The following TMEM33 variants were observed in gnomAD, a reference collection of about 807,000 sequenced individuals.
The protein encoded by TMEM33 is transmembrane protein 33.
Under a neutral mutation model 29.7 loss-of-function variants are expected in TMEM33, and 16 were observed. That is an observed-to-expected ratio of 0.54 (90% CI 0.36 to 0.82). TMEM33 has a LOEUF of 0.82. TMEM33 is among the 40% of genes least tolerant of loss of function. The pLI is 0.00. For synonymous variants in TMEM33, 112 were observed against 109.4 expected (o/e 1.02, Z -0.15); for missense variants, 252 against 295.3 (o/e 0.85, Z 1.08).
rs896970062 is a variant in TMEM33, at chr4:41,958,918, A to G, written c.*4719A>G. The G allele has an allele frequency of 2.6e-5, 4 of 151,472 alleles. No individual in the cohort carries two copies. Among genetic ancestry groups the G allele is most frequent in the African/African-American group, 9.8e-5 (4 of 40,788 alleles). The allele number at this position is 151,472 out of a possible 1,614,324, so 9.4% of individuals were successfully genotyped here. A position where few individuals can be genotyped will look rare whatever the true frequency, so the allele number is the denominator to read the frequency against. On this transcript the variant is annotated 3_prime_UTR_variant, in exon 7 of 7. Transcript: ENST00000504986. ...GAGACAGGATTTCACCATGTTCACC[A>G]TGTTGGTCAGGCTGGTCTTGAACTC...
intron 5 of TMEM33, among the ~76,000 whole-genome samples, chr4:41,946,192 T>TA (rs1345920167): frequency 6.6e-6 from 1 of 151,828 alleles, no homozygotes; most frequent in Non-Finnish European, 1.5e-5. Context: ...TACCTGCTTA[T>TA]ACTTAATGCC....
chr4:41,953,342 G>C (rs554138002), intron 6 of TMEM33, among the ~76,000 whole-genome samples: 88 of 152,340 alleles, frequency 5.8e-4, no homozygotes, highest in African/African-American at 2.0e-3. Context: ...GTTTTCCAGT[G>C]CATACAGAAG....
chr4:41,951,843 G>C (rs1713051854), intron 6 of TMEM33, among the ~76,000 whole-genome samples: 1 of 152,164 alleles, frequency 6.6e-6, no homozygotes, highest in African/African-American at 2.4e-5. Context: ...GAAGTATATA[G>C]AGAATTGATA....
At chr4:41,940,017 G>A (rs1312779204) in intron 3 of TMEM33, among the ~76,000 whole-genome samples, 3 of 143,430 alleles carry the variant, frequency 2.1e-5, no homozygotes, top group African/African-American at 7.9e-5. Context: ...TGGGGAAGAG[G>A]TTCTATAGTG....
At chr4:41,947,040 A>T (rs983201908) in intron 5 of TMEM33, among the ~76,000 whole-genome samples, 2 of 152,150 alleles carry the variant, frequency 1.3e-5, no homozygotes, top group African/African-American at 4.8e-5. Context: ...GATCGAGACC[A>T]TCCTGGCCAA....
chr4:41,940,653 C>CA (rs763162077), intron 3 of TMEM33, among the ~76,000 whole-genome samples: 2 of 151,394 alleles, frequency 1.3e-5, no homozygotes, highest in Admixed American at 6.6e-5. Flanking sequence ...ACTAAAAATA[C>CA]AAAAAATTAG....
intron 3 of TMEM33, among the ~76,000 whole-genome samples, chr4:41,943,230 AG>A (rs1414184470): frequency 2.6e-5 from 4 of 152,170 alleles, no homozygotes; most frequent in African/African-American, 9.7e-5. Flanking sequence ...TGTCATGAAA[AG>A]AACTGTGAAT....
At position 41,949,354 on chromosome 4, in the gene TMEM33, C is replaced by T. The variant is rs772700466; in HGVS notation, c.583C>T (p.Arg195Ter). The T allele has an allele frequency of 1.4e-5, 22 of 1,610,456 alleles. No individual in the cohort carries two copies. Among genetic ancestry groups the T allele is most frequent in the Non-Finnish European group, 6.8e-6 (8 of 1,178,796 alleles). ...PFIYYRFLTL[R>*]YSSRRNPYCR... ...TATATACTATAGATTTCTTACCCTT[C>T]GATATTCGTCTCGAAGAAACCCATA... The change falls in exon 6 of 7, where the codon CGA (arginine) becomes TGA (stop). Residue 195 changes from arginine to a stop codon, truncating the protein, a stop_gained. Coordinates refer to ENST00000504986, the MANE Select transcript of TMEM33 (RefSeq NM_018126.3). LOFTEE classifies it high-confidence loss of function.
chr4:41,954,227 A>T lies in TMEM33; in HGVS notation c.*28A>T. 6.2e-7 allele frequency: 1 copy of T among 1,608,458 alleles called. No homozygotes were observed. Among genetic ancestry groups the T allele is most frequent in the Non-Finnish European group, 8.5e-7 (1 of 1,176,034 alleles). ...TAACATCTAGTTAAGCTACAAATAT[A>T]GTATAAGCATTATTAGCAGCTGGTA... On this transcript the variant is annotated 3_prime_UTR_variant, in exon 7 of 7. Transcript: ENST00000504986.
chr4:41,947,966 A>G (rs754456423), intron 5 of TMEM33, among the ~76,000 whole-genome samples: 7 of 152,334 alleles, frequency 4.6e-5, no homozygotes, highest in Non-Finnish European at 8.8e-5. Context: ...AGTTTGTTAC[A>G]TAATAGTCCA....
chr4:41,949,247 A>C, intron 5 of TMEM33, 55 bp from the exon 6 acceptor site: 1 of 1,231,136 alleles, frequency 8.1e-7, no homozygotes, highest in Non-Finnish European at 1.2e-6. Flanking sequence ...AAGTTTTGAG[A>C]GTATACACAT....
chr4:41,941,706 G>A (rs1207252522), intron 3 of TMEM33, among the ~76,000 whole-genome samples: 1 of 152,190 alleles, frequency 6.6e-6, no homozygotes, highest in Non-Finnish European at 1.5e-5. Flanking sequence ...ACATAAACTA[G>A]TAATTGGCAG....
At chr4:41,937,140 A>C (rs1712281032) in intron 1 of TMEM33, among the ~76,000 whole-genome samples, 1 of 151,826 alleles carries the variant, frequency 6.6e-6, no homozygotes, top group Non-Finnish European at 1.5e-5. Flanking sequence ...TTAAAATTGT[A>C]TAATATACAT....
chr4:41,935,202 A>G (rs559914006), upstream of TMEM33: 64 of 559,164 alleles, frequency 1.1e-4, no homozygotes, highest in Admixed American at 6.4e-5. Context: ...TTCACCCCGA[A>G]GCTCCACCTT....
chr4:41,943,925 C>T, intron 4 of TMEM33, 111 bp downstream of exon 4: 1 of 903,192 alleles, frequency 1.1e-6, no homozygotes, highest in Non-Finnish European at 1.7e-6. Context: ...ACCTTACAAA[C>T]TTGTTATGAA....
chr4:41,935,271 C>G (rs1399629840), upstream of TMEM33: 1 of 628,462 alleles, frequency 1.6e-6, no homozygotes, highest in African/African-American at 1.8e-5. Flanking sequence ...AGGTACCTCC[C>G]GGCTGCTGCG....
intron 2 of TMEM33, among the ~76,000 whole-genome samples, 184 bp from the exon 3 acceptor site, chr4:41,939,012 T>A (rs529540390): frequency 1.3e-5 from 2 of 152,204 alleles, no homozygotes; most frequent in African/African-American, 4.8e-5. Flanking sequence ...ATAAATTGAT[T>A]ATAAGAAATT....
rs905396799 is a variant in TMEM33 at position 41,954,150 on chromosome 4, G to T, written c.695G>T (p.Cys232Phe). 6.2e-7 allele frequency: 1 copy of T among 1,613,930 alleles called. No homozygotes were observed. The change falls in exon 7 of 7, where the codon TGT (cysteine) becomes TTT (phenylalanine). Residue 232 changes from cysteine (C) to phenylalanine (F), a missense_variant. Transcript: ENST00000504986. ...TGCCCACTGTTTGTGAGAAGACTTT[G>T]TCTCCAGAGCATTGCCTTTATAAGC... The part of the protein sequence containing the change: ...PACPLFVRRL[C>F]LQSIAFISRL...
At chr4:41,939,048 G>A (rs1403675188) in intron 2 of TMEM33, 148 bp from the exon 3 acceptor site, 17 of 673,738 alleles carry the variant, frequency 2.5e-5, no homozygotes, top group Non-Finnish European at 9.4e-6. Flanking sequence ...ATGAAGTGAA[G>A]CTATTAAAAC....
Sources: gnomAD v4.1 joint callset for allele counts (sites outside exome capture counted in the v4.1 genomes callset) on GRCh38, gnomAD v4.1.1 for gene constraint, MANE v1.5 for transcripts, NCBI Gene and HGNC (gene_info 2026-07-23, HGNC 2026-07-21) for gene names.